Variants in ABTB3 observed in about 807,000 individuals in gnomAD.
ABTB3 encodes the protein ankyrin repeat- and BTB/POZ domain-containing protein 3.
the ABTB3 span, among the ~76,000 whole-genome samples, chr12:107,583,296 A>G: frequency 6.6e-6 from 1 of 152,194 alleles, no homozygotes; most frequent in African/African-American, 2.4e-5. Flanking sequence ...GGAGGCTCCT[A>G]CTTAGGTATT....
chr12:107,630,608 TA>T, the ABTB3 span, among the ~76,000 whole-genome samples: 285 of 145,686 alleles, frequency 2.0e-3, 5 homozygotes, highest in East Asian at 0.026. Context: ...CATGCCCAAT[TA>T]AAAAAAAAAA....
the ABTB3 span, among the ~76,000 whole-genome samples, chr12:107,389,680 C>T: frequency 4.6e-5 from 7 of 151,928 alleles, no homozygotes; most frequent in African/African-American, 1.7e-4. Flanking sequence ...TGACTGAGCT[C>T]AGCTGGATGG....
At chr12:107,580,427 C>T in the ABTB3 span, among the ~76,000 whole-genome samples, 1 of 152,250 alleles carries the variant, frequency 6.6e-6, no homozygotes, top group South Asian at 2.1e-4. Context: ...AAGCTTGCAA[C>T]AGCCTACCAT....
At chr12:107,349,049 C>T in the ABTB3 span, among the ~76,000 whole-genome samples, 1 of 152,164 alleles carries the variant, frequency 6.6e-6, no homozygotes, top group Non-Finnish European at 1.5e-5. Context: ...CCTTGTCACG[C>T]TGAAGGCTTT....
chr12:107,484,459 C>CA, the ABTB3 span, among the ~76,000 whole-genome samples: 1 of 152,116 alleles, frequency 6.6e-6, no homozygotes, highest in Non-Finnish European at 1.5e-5. Flanking sequence ...ATGCGTCAGG[C>CA]AGAGTAAGCC....
the ABTB3 span, chr12:107,612,906 C>A: frequency 1.0e-4 from 160 of 1,589,872 alleles, no homozygotes; most frequent in Non-Finnish European, 1.1e-4. Context: ...CCTCGGCCGG[C>A]AGTCCCCAGG....
At chr12:107,374,859 G>A in the ABTB3 span, 5 of 152,772 alleles carry the variant, frequency 3.3e-5, no homozygotes, top group Non-Finnish European at 7.3e-5. Context: ...TTTAGGAGTA[G>A]CTTTCCTCTA....
At chr12:107,395,624 TCA>T in the ABTB3 span, among the ~76,000 whole-genome samples, 2 of 152,218 alleles carry the variant, frequency 1.3e-5, no homozygotes, top group African/African-American at 4.8e-5. Context: ...GTGCTCCTAC[TCA>T]CCCAGTGAGA....
the ABTB3 span, among the ~76,000 whole-genome samples, chr12:107,324,357 GT>G: frequency 6.6e-6 from 1 of 152,168 alleles, no homozygotes; most frequent in Admixed American, 6.5e-5. Context: ...CAAAAAGATT[GT>G]TTTGGTCAAA....
At chr12:107,353,503 A>G in the ABTB3 span, among the ~76,000 whole-genome samples, 1 of 152,194 alleles carries the variant, frequency 6.6e-6, no homozygotes, top group Admixed American at 6.5e-5. Context: ...ATCACTTAAC[A>G]TCTCTGAACC....
the ABTB3 span, among the ~76,000 whole-genome samples, chr12:107,490,247 C>T: frequency 6.6e-6 from 1 of 152,146 alleles, no homozygotes; most frequent in East Asian, 1.9e-4. Flanking sequence ...TGGGTTTGCA[C>T]TTGCACATAG....
the ABTB3 span, among the ~76,000 whole-genome samples, chr12:107,494,366 C>T: frequency 6.6e-6 from 1 of 152,108 alleles, no homozygotes; most frequent in Non-Finnish European, 1.5e-5. Context: ...CCAGATGATC[C>T]TGGGCTGAGT....
the ABTB3 span, among the ~76,000 whole-genome samples, chr12:107,389,296 G>A: frequency 2.0e-5 from 3 of 152,128 alleles, no homozygotes; most frequent in Non-Finnish European, 4.4e-5. Context: ...CCCCATAATA[G>A]CTAAACATTT....
At chr12:107,574,706 A>AAAAAAG in the ABTB3 span, among the ~76,000 whole-genome samples, 1 of 152,306 alleles carries the variant, frequency 6.6e-6, no homozygotes, top group Non-Finnish European at 1.5e-5. Flanking sequence ...CTCCATCTAT[A>AAAAAAG]AAAAAGAAAA....
At chr12:107,386,054 A>G in the ABTB3 span, among the ~76,000 whole-genome samples, 1 of 152,168 alleles carries the variant, frequency 6.6e-6, no homozygotes, top group Non-Finnish European at 1.5e-5. Flanking sequence ...ATCTGTGAAA[A>G]TGAGGCCTTA....
At chr12:107,636,555 A>G in the ABTB3 span, among the ~76,000 whole-genome samples, 1 of 152,186 alleles carries the variant, frequency 6.6e-6, no homozygotes, top group Non-Finnish European at 1.5e-5. Context: ...TTTTAAAGTT[A>G]TTTTTGTTCC....
the ABTB3 span, among the ~76,000 whole-genome samples, chr12:107,632,343 A>G: frequency 6.6e-6 from 1 of 152,236 alleles, no homozygotes; most frequent in African/African-American, 2.4e-5. Flanking sequence ...ATTAGAAGGA[A>G]GCTGATTCAC....
At chr12:107,380,300 G>T in the ABTB3 span, among the ~76,000 whole-genome samples, 1 of 152,162 alleles carries the variant, frequency 6.6e-6, no homozygotes, top group Non-Finnish European at 1.5e-5. Flanking sequence ...TGTATAATTT[G>T]CTGGGATTAG....
the ABTB3 span, among the ~76,000 whole-genome samples, chr12:107,543,283 G>A: frequency 6.8e-6 from 1 of 146,788 alleles, no homozygotes; most frequent in Middle Eastern, 3.2e-3. Flanking sequence ...AAGTTGCAGT[G>A]AGTGGAGATC....
Sources: gnomAD v4.1 joint callset for allele counts (sites outside exome capture counted in the v4.1 genomes callset) on GRCh38, gnomAD v4.1.1 for gene constraint, MANE v1.5 for transcripts, NCBI Gene and HGNC (gene_info 2026-07-23, HGNC 2026-07-21) for gene names.